Variants in CDH12 observed in about 807,000 individuals in gnomAD.
CDH12 encodes cadherin 12.
CDH12 carries 41 observed loss-of-function variants against 74.1 expected under a neutral mutation model. The ratio of observed to expected loss-of-function variants is 0.55; its 90% CI spans 0.43 to 0.72. CDH12 has a LOEUF of 0.72. CDH12 is among the 30% of genes least tolerant of loss of function. CDH12 has a pLI of 0.00. For missense variants in CDH12, 945 were observed against 977.2 expected (o/e 0.97, Z 0.44); for synonymous variants, 399 against 355.0 (o/e 1.12, Z -1.39).
chr5:21,757,435 CA>C (rs529505127), intron 13 of CDH12, among the ~76,000 whole-genome samples: 2 of 152,106 alleles, frequency 1.3e-5, no homozygotes, highest in Non-Finnish European at 2.9e-5. Flanking sequence ...CTTGGCCTCC[CA>C]AAGTGAGCCA....
intron 3 of CDH12, among the ~76,000 whole-genome samples, chr5:22,404,959 C>T (rs1222237872): frequency 1.3e-5 from 2 of 152,088 alleles, no homozygotes; most frequent in East Asian, 3.9e-4. Flanking sequence ...CCTATAATTC[C>T]AGCTCTTTGG....
chr5:22,404,747 C>A (rs551506002), intron 3 of CDH12, among the ~76,000 whole-genome samples: 2 of 152,260 alleles, frequency 1.3e-5, no homozygotes, highest in African/African-American at 4.8e-5. Context: ...TAGAGGCCTG[C>A]ATTTAAGGAA....
In CDH12 at chr5:22,013,468, G is replaced by GCATA. The variant is rs747867833; in HGVS notation, c.232-38087_232-38084dup. ...ACTATATCACATTGAGTGAATGCAT[G>GCATA]CATATTCTTAAATGCAAAAATTGTA... is the stretch of plus-strand genomic sequence containing the variant. On this transcript the variant is annotated intron_variant, in intron 5 of 14. Transcript: ENST00000382254. 4.6e-5 allele frequency among the ~76,000 whole-genome samples: 7 copies of GCATA among 152,212 alleles called. No individual in the cohort carries two copies. The East Asian group carries it at 1.4e-3, about 29-fold the overall frequency.
intron 6 of CDH12, among the ~76,000 whole-genome samples, chr5:21,902,087 C>T (rs6894543): frequency 0.73 from 111,152 of 151,794 alleles, 43,267 homozygotes; most frequent in Non-Finnish European, 0.86. Context: ...ATGCACTATA[C>T]GCAAAGCAAT....
intron 11 of CDH12, among the ~76,000 whole-genome samples, chr5:21,782,224 A>G (rs1320348295): frequency 6.6e-6 from 1 of 152,214 alleles, no homozygotes; most frequent in Non-Finnish European, 1.5e-5. Context: ...GCCTCTGGGT[A>G]GTCAGACTTC....
chr5:22,816,139 T>C (rs1749383669), intron 1 of CDH12, among the ~76,000 whole-genome samples: 2 of 152,182 alleles, frequency 1.3e-5, no homozygotes, highest in Non-Finnish European at 2.9e-5. Flanking sequence ...TAAACTTTTT[T>C]CCTCTCTTAC....
At chr5:22,646,751 C>T (rs1427250312) in intron 1 of CDH12, among the ~76,000 whole-genome samples, 1 of 151,870 alleles carries the variant, frequency 6.6e-6, no homozygotes, top group African/African-American at 2.4e-5. Context: ...CTTCCAATTT[C>T]TAGTTAGATT....
chr5:22,737,274 T>TA (rs1744778124), intron 1 of CDH12, among the ~76,000 whole-genome samples: 1 of 151,906 alleles, frequency 6.6e-6, no homozygotes, highest in Non-Finnish European at 1.5e-5. Flanking sequence ...AGATACATCA[T>TA]AAAATGAATA....
intron 4 of CDH12, among the ~76,000 whole-genome samples, chr5:22,110,160 T>C (rs2150259426): frequency 6.6e-6 from 1 of 152,308 alleles, no homozygotes; most frequent in South Asian, 2.1e-4. Flanking sequence ...GAGAGTTTTA[T>C]CTCCTGTTTT....
At chr5:22,443,883 T>G (rs1472822132) in intron 2 of CDH12, among the ~76,000 whole-genome samples, 1 of 152,148 alleles carries the variant, frequency 6.6e-6, no homozygotes, top group Admixed American at 6.6e-5. Context: ...CATGTGTATA[T>G]GTATATTTAC....
intron 3 of CDH12, among the ~76,000 whole-genome samples, chr5:22,374,905 G>A (rs1741453875): frequency 6.6e-6 from 1 of 151,700 alleles, no homozygotes; most frequent in Non-Finnish European, 1.5e-5. Context: ...CAGATTCCAT[G>A]CAATCTCTAT....
chr5:22,837,268 A>T (rs574009039), intron 1 of CDH12, among the ~76,000 whole-genome samples: 74 of 152,070 alleles, frequency 4.9e-4, no homozygotes, highest in Non-Finnish European at 8.4e-4. Flanking sequence ...CAAAAATTTT[A>T]AAAAAATTAG....
At chr5:22,570,203 C>T (rs1739477123) in intron 1 of CDH12, among the ~76,000 whole-genome samples, 1 of 151,656 alleles carries the variant, frequency 6.6e-6, no homozygotes, top group Admixed American at 6.6e-5. Flanking sequence ...TTACAGGCGC[C>T]CACCACCACA....
chr5:22,425,153 G>GTATA (rs1331299083), intron 2 of CDH12, among the ~76,000 whole-genome samples: 4,184 of 87,948 alleles, frequency 0.048, 143 homozygotes, highest in East Asian at 0.18. Context: ...ATGTGTGTGT[G>GTATA]TATATATATA....
At chr5:22,801,105 T>A (rs1298572103) in intron 1 of CDH12, among the ~76,000 whole-genome samples, 1 of 152,166 alleles carries the variant, frequency 6.6e-6, no homozygotes, top group East Asian at 1.9e-4. Flanking sequence ...TTTAGTTTTT[T>A]AAGGAACTAC....
intron 6 of CDH12, among the ~76,000 whole-genome samples, chr5:21,877,318 C>T (rs114344953): frequency 0.011 from 1,673 of 152,246 alleles, 31 homozygotes; most frequent in African/African-American, 0.038. Context: ...TTTCCATATG[C>T]TCAGAGTGTC....
intron 1 of CDH12, among the ~76,000 whole-genome samples, chr5:22,523,983 T>TATTA (rs1554047101): frequency 7.2e-4 from 79 of 109,930 alleles, no homozygotes; most frequent in African/African-American, 2.2e-3. Flanking sequence ...TTATTATTAT[T>TATTA]TTTTTTTTTT....
intron 4 of CDH12, among the ~76,000 whole-genome samples, chr5:22,194,477 G>A (rs1246346208): frequency 4.6e-5 from 7 of 151,584 alleles, no homozygotes; most frequent in Non-Finnish European, 8.8e-5. Context: ...GATTACAAGC[G>A]TCCGCCCCCA....
At chr5:22,532,582 A>C (rs1016265920) in intron 1 of CDH12, among the ~76,000 whole-genome samples, 3 of 151,286 alleles carry the variant, frequency 2.0e-5, no homozygotes, top group African/African-American at 7.3e-5. Flanking sequence ...CTGAATTAAG[A>C]CTTGGTTTAA....
Sources: allele counts gnomAD v4.1 joint callset (sites outside exome capture counted in the v4.1 genomes callset), GRCh38; gene constraint gnomAD v4.1.1; transcripts MANE v1.5; gene names NCBI Gene and HGNC (gene_info 2026-07-23, HGNC 2026-07-21).